Variants in KAZN observed in about 807,000 individuals in gnomAD.
The protein encoded by KAZN is kazrin, periplakin interacting protein.
Under a neutral mutation model 87.4 loss-of-function variants are expected in KAZN, and 40 were observed. The ratio of observed to expected loss-of-function variants is 0.46; its 90% CI spans 0.36 to 0.60. The LOEUF is 0.60. Among genes scored for constraint, KAZN ranks in the 20% least tolerant of loss-of-function variants. KAZN has a pLI of 0.00. For synonymous variants in KAZN, 466 were observed against 458.3 expected (o/e 1.02, Z -0.22); for missense variants, 898 against 1,073.9 (o/e 0.84, Z 2.29).
At chr1:14,633,319 G>A (rs1228548571) in intron 1 of KAZN, among the ~76,000 whole-genome samples, 2 of 152,162 alleles carry the variant, frequency 1.3e-5, no homozygotes, top group East Asian at 3.9e-4. Context: ...ATCTTGAGAT[G>A]TGGACCCAAT....
intron 1 of KAZN, among the ~76,000 whole-genome samples, chr1:14,673,331 G>A (rs1640026441): frequency 6.6e-6 from 1 of 152,216 alleles, no homozygotes; most frequent in Admixed American, 6.5e-5. Flanking sequence ...ACAACCCACA[G>A]CAAAGCTTCT....
intron 2 of KAZN, among the ~76,000 whole-genome samples, chr1:14,413,128 T>C (rs954279905): frequency 1.3e-5 from 2 of 150,264 alleles, no homozygotes; most frequent in East Asian, 3.9e-4. Context: ...TCTATGATAG[T>C]AGATTAGATA....
intron 2 of KAZN, among the ~76,000 whole-genome samples, chr1:14,376,662 C>A (rs1199385953): frequency 6.6e-6 from 1 of 152,168 alleles, no homozygotes; most frequent in African/African-American, 2.4e-5. Context: ...GAAATAAATT[C>A]TAAAGCAGTA....
At chr1:14,404,665 G>T (rs573916451) in intron 2 of KAZN, among the ~76,000 whole-genome samples, 1 of 152,098 alleles carries the variant, frequency 6.6e-6, no homozygotes, top group Non-Finnish European at 1.5e-5. Context: ...GTAAATAGGA[G>T]AAAAGATCAA....
intron 1 of KAZN, among the ~76,000 whole-genome samples, chr1:14,847,002 C>G (rs530078832): frequency 2.9e-4 from 44 of 152,284 alleles, no homozygotes; most frequent in Non-Finnish European, 5.9e-4. Context: ...ACAACCTGCT[C>G]TAAGTCACAG....
At chr1:14,514,603 A>ATTT (rs1557770491) in intron 2 of KAZN, among the ~76,000 whole-genome samples, 1,012 of 36,126 alleles carry the variant, frequency 0.028, 11 homozygotes, top group African/African-American at 0.04. Context: ...TTTTATATAT[A>ATTT]TATATATATA....
At chr1:15,086,143 G>T (rs1002624688) in intron 8 of KAZN, among the ~76,000 whole-genome samples, 3 of 152,068 alleles carry the variant, frequency 2.0e-5, no homozygotes, top group Admixed American at 6.6e-5. Flanking sequence ...GCTAATTTTG[G>T]TATTTTTAGT....
chr1:14,082,093 A>G (rs1020566643), intron 1 of KAZN, among the ~76,000 whole-genome samples: 3 of 152,110 alleles, frequency 2.0e-5, no homozygotes, highest in Non-Finnish European at 4.4e-5. Context: ...TCCTTCTAGC[A>G]TCTCTCTGAT....
intron 2 of KAZN, among the ~76,000 whole-genome samples, chr1:14,421,112 A>G (rs1665394892): frequency 6.6e-6 from 1 of 152,248 alleles, no homozygotes; most frequent in African/African-American, 2.4e-5. Flanking sequence ...ACTATGCCTT[A>G]GGTTATAGCT....
At chr1:14,230,546 T>C (rs1314166685) in intron 2 of KAZN, among the ~76,000 whole-genome samples, 2 of 152,196 alleles carry the variant, frequency 1.3e-5, no homozygotes, top group Non-Finnish European at 2.9e-5. Context: ...GTCCAATCCC[T>C]GTGTGTAGTG....
At chr1:14,199,291 G>C (rs1646591083) in intron 2 of KAZN, among the ~76,000 whole-genome samples, 1 of 151,996 alleles carries the variant, frequency 6.6e-6, no homozygotes, top group African/African-American at 2.4e-5. Context: ...GCCCTTTTCT[G>C]CCCAGTCAGG....
intron 1 of KAZN, among the ~76,000 whole-genome samples, chr1:13,968,834 T>A (rs554510690): frequency 1.4e-4 from 21 of 152,264 alleles, no homozygotes; most frequent in African/African-American, 4.8e-4. Flanking sequence ...CTCCAGTTGA[T>A]CCCATCCAGT....
intron 1 of KAZN, among the ~76,000 whole-genome samples, chr1:14,653,961 C>T (rs1376120456): frequency 6.6e-6 from 1 of 152,182 alleles, no homozygotes; most frequent in Non-Finnish European, 1.5e-5. Flanking sequence ...CAGTGGCATT[C>T]CCTTTCCTCT....
chr1:14,709,328 A>G (rs993620882), intron 1 of KAZN, among the ~76,000 whole-genome samples: 1 of 152,202 alleles, frequency 6.6e-6, no homozygotes, highest in Admixed American at 6.5e-5. Flanking sequence ...TTCCCTATCC[A>G]AAGGCATTTA....
At chr1:14,365,089 A>G (rs1659860691) in intron 2 of KAZN, among the ~76,000 whole-genome samples, 1 of 150,014 alleles carries the variant, frequency 6.7e-6, no homozygotes, top group Non-Finnish European at 1.5e-5. Context: ...TGTTGCCCAG[A>G]CTGGAGTGCA....
intron 1 of KAZN, among the ~76,000 whole-genome samples, chr1:13,953,689 G>T (rs1191923590): frequency 2.6e-5 from 4 of 151,766 alleles, no homozygotes; most frequent in Admixed American, 6.6e-5. Flanking sequence ...CTAAATATGG[G>T]TCTATTTTCA....
intron 2 of KAZN, among the ~76,000 whole-genome samples, chr1:14,968,271 C>T (rs1664666128): frequency 6.6e-6 from 1 of 152,100 alleles, no homozygotes; most frequent in Admixed American, 6.5e-5. Flanking sequence ...AGGGTTCGTG[C>T]TCCTATGAGA....
intron 2 of KAZN, among the ~76,000 whole-genome samples, chr1:14,997,329 C>T (rs377464566): frequency 1.3e-5 from 2 of 150,938 alleles, no homozygotes; most frequent in Non-Finnish European, 2.9e-5. Flanking sequence ...AAACCTCCAC[C>T]TCCCGGGTTC....
intron 2 of KAZN, among the ~76,000 whole-genome samples, chr1:14,518,424 G>A (rs116099413): frequency 0.019 from 2,932 of 152,096 alleles, 53 homozygotes; most frequent in Non-Finnish European, 0.028. Flanking sequence ...TTATCCGCCC[G>A]CCTCAGCCTC....
Sources: allele counts gnomAD v4.1 joint callset (sites outside exome capture counted in the v4.1 genomes callset), GRCh38; gene constraint gnomAD v4.1.1; transcripts MANE v1.5; gene names NCBI Gene and HGNC (gene_info 2026-07-23, HGNC 2026-07-21).